DUSP16: variants seen among roughly 807,000 people sequenced by gnomAD.
DUSP16 encodes the protein dual specificity phosphatase 16, also known as dual specificity protein phosphatase 16.
Under a neutral mutation model 58.3 loss-of-function variants are expected in DUSP16, and 21 were observed. The observed-to-expected ratio is 0.36, with a 90% CI of 0.26 to 0.52. The LOEUF (loss-of-function observed/expected upper bound fraction) is 0.52. Among genes scored for constraint, DUSP16 ranks in the 20% least tolerant of loss-of-function variants. DUSP16 has a pLI of 0.94. For synonymous variants in DUSP16, 320 were observed against 323.8 expected (o/e 0.99, Z 0.12); for missense variants, 726 against 819.0 (o/e 0.89, Z 1.39).
intron 1 of DUSP16, among the ~76,000 whole-genome samples, chr12:12,553,369 A>G (rs1304543185): frequency 6.6e-6 from 1 of 152,188 alleles, no homozygotes; most frequent in African/African-American, 2.4e-5. Context: ...TTGCTTTAGG[A>G]TTTCAATAAA....
At chr12:12,510,847 C>A (rs1464511697) in intron 3 of DUSP16, among the ~76,000 whole-genome samples, 1 of 152,090 alleles carries the variant, frequency 6.6e-6, no homozygotes, top group Non-Finnish European at 1.5e-5. Flanking sequence ...GAGCCCAGGG[C>A]AGAGGACAGA....
At chr12:12,560,055 C>A (rs1410589384) in intron 1 of DUSP16, among the ~76,000 whole-genome samples, 2 of 152,138 alleles carry the variant, frequency 1.3e-5, no homozygotes, top group Non-Finnish European at 2.9e-5. Context: ...TACACACTTA[C>A]AATCACCAAA....
intron 1 of DUSP16, among the ~76,000 whole-genome samples, chr12:12,539,751 TAA>T (rs71061077): frequency 7.2e-5 from 10 of 139,486 alleles, no homozygotes; most frequent in Admixed American, 1.4e-4. Context: ...AGCAGTTATT[TAA>T]AAAAAAAAAA....
At chr12:12,536,610 T>C (rs761339765) in intron 1 of DUSP16, among the ~76,000 whole-genome samples, 10 of 151,934 alleles carry the variant, frequency 6.6e-5, no homozygotes, top group Non-Finnish European at 1.5e-4. Context: ...CCGGACATGG[T>C]GGCACATGCC....
At chr12:12,507,917 C>A (rs146552110) in intron 3 of DUSP16, among the ~76,000 whole-genome samples, 2 of 152,346 alleles carry the variant, frequency 1.3e-5, no homozygotes, top group East Asian at 1.9e-4. Flanking sequence ...CCATTAAATT[C>A]TTTTGTAGTT....
intron 3 of DUSP16, among the ~76,000 whole-genome samples, chr12:12,507,673 G>A (rs1348180468): frequency 2.0e-5 from 3 of 152,122 alleles, no homozygotes; most frequent in South Asian, 2.1e-4. Context: ...GCAATGGTGC[G>A]ATCTCCGCTC....
intron 3 of DUSP16, among the ~76,000 whole-genome samples, chr12:12,504,691 T>TAAAAA (rs57833371): frequency 8.4e-6 from 1 of 119,140 alleles, no homozygotes; most frequent in Non-Finnish European, 1.7e-5. Flanking sequence ...CAATCTCTGT[T>TAAAAA]AAAAAAAAAA....
chr12:12,547,545 A>C (rs1278187836), intron 1 of DUSP16, among the ~76,000 whole-genome samples: 1 of 137,828 alleles, frequency 7.3e-6, no homozygotes, highest in African/African-American at 3.4e-5. Context: ...AAAAAAAAAA[A>C]AAAAAAAAAA....
rs1473174214 is a variant in DUSP16, at chr12:12,522,656, C to T, written c.-365-1193G>A. On this transcript the variant is annotated intron_variant, in intron 1 of 6. Transcript: ENST00000298573. ...TCAGCTCACTGCAACCCCTGCCTCT[C>T]AGGCTCAAGTGATTCTCCTGCCTCA... is the stretch of plus-strand genomic sequence containing the variant. Among the ~76,000 whole-genome samples, 3 of 152,038 alleles carry T rather than the reference C, an allele frequency of 2.0e-5. No individual in the cohort carries two copies. The East Asian group carries it at 5.8e-4, about 29-fold the overall frequency.
intron 3 of DUSP16, among the ~76,000 whole-genome samples, chr12:12,511,149 TG>T (rs760980080): frequency 2.6e-5 from 4 of 152,202 alleles, no homozygotes; most frequent in Non-Finnish European, 4.4e-5. Flanking sequence ...AGCAATGGAT[TG>T]GAAGGTGGCA....
rs1297599295 is a variant in DUSP16, at chr12:12,474,864, G to GAA, written c.*1967_*1968dup. ...TACATAACATCAAAAACTACTGTGT[G>GAA]AAACTTGAGAATGTCTGATTAAAGA... On this transcript the variant is annotated 3_prime_UTR_variant, in exon 7 of 7. Transcript: ENST00000298573. 2 of 152,224 alleles carry GAA rather than the reference G, an allele frequency of 1.3e-5. No homozygotes were observed. The highest frequency in any genetic ancestry group is 4.8e-5 in the African/African-American group (2 of 41,444). 9.4% of individuals were successfully genotyped at this position (152,224 alleles called of 1,614,324 possible).
intron 5 of DUSP16, among the ~76,000 whole-genome samples, chr12:12,483,287 A>T (rs975291507): frequency 1.3e-5 from 2 of 152,196 alleles, no homozygotes; most frequent in African/African-American, 4.8e-5. Context: ...TTCAGATAAC[A>T]ATTTTTAAAA....
chr12:12,480,465 T>C (rs1943543616), intron 5 of DUSP16, 119 bp from the exon 6 acceptor site: 2 of 1,161,326 alleles, frequency 1.7e-6, no homozygotes, highest in East Asian at 2.5e-5. Flanking sequence ...ATCTCATCTG[T>C]GTATATCATA....
Position 12,487,171 on chromosome 12 carries a change from T to C in DUSP16, c.548A>G (p.Asn183Ser). 1 of 1,614,054 alleles carries C rather than the reference T, an allele frequency of 6.2e-7. No homozygotes were observed. Among genetic ancestry groups the C allele is most frequent in the South Asian group, 1.1e-5 (1 of 91,088 alleles). The change falls in exon 5 of 7, where the codon AAT becomes AGT. Residue 183 changes from asparagine (N) to serine (S), a missense_variant. Coordinates refer to ENST00000298573, the MANE Select transcript of DUSP16 (RefSeq NM_030640.3). ...DVLNKELMQQ[N>S]GIGYVLNASN... ...GGCATTTAACACATAACCAATCCCA[T>C]TCTGCTGCATCAGCTCCTATGGAGA... is the stretch of plus-strand genomic sequence containing the variant.
intron 4 of DUSP16, among the ~76,000 whole-genome samples, chr12:12,499,940 C>T (rs980369055): frequency 2.6e-5 from 4 of 152,060 alleles, no homozygotes; most frequent in Admixed American, 6.6e-5. Context: ...CAGTAGGGCC[C>T]GTGTCTTTTT....
chr12:12,477,815 G>A lies in DUSP16; in HGVS notation c.1016C>T (p.Pro339Leu). 1.2e-6 allele frequency: 2 copies of A among 1,614,052 alleles called. No homozygotes were observed. Among genetic ancestry groups the A allele is most frequent in the Non-Finnish European group, 1.7e-6 (2 of 1,180,018 alleles). The change falls in exon 7 of 7, where the codon CCA becomes CTA. Residue 339 changes from proline (P) to leucine (L), a missense_variant. Physicochemically the swap from Pro to Leu is moderately conservative, Grantham distance 98 (BLOSUM62 -3). Transcript: ENST00000298573. This position sits in a 1 kb window ranked among gnomAD's most constrained non-coding sequence, Gnocchi z 4.1. The part of the protein sequence containing the change: ...GGQKSETPLS[P>L]PCADSATSEA... The stretch of plus-strand genomic sequence containing the variant: ...TGAGGTAGCAGAGTCGGCACAGGGT[G>A]GACTGAGGGGCGTCTCGCTTTTCTG...
chr12:12,519,421 T>C (rs1944198138), intron 3 of DUSP16, among the ~76,000 whole-genome samples: 1 of 152,250 alleles, frequency 6.6e-6, no homozygotes, highest in Admixed American at 6.5e-5. Flanking sequence ...CCATAAGGCT[T>C]ATCTCTGGAG....
chr12:12,562,034 G>T (rs1944911822), intron 1 of DUSP16, 83 bp downstream of exon 1: 1 of 149,882 alleles, frequency 6.7e-6, no homozygotes, highest in Admixed American at 6.6e-5. Context: ...GCTGCGGAGC[G>T]TCCATGCGGC....
At chr12:12,535,053 T>A (rs1230981531) in intron 1 of DUSP16, among the ~76,000 whole-genome samples, 1 of 152,222 alleles carries the variant, frequency 6.6e-6, no homozygotes, top group East Asian at 1.9e-4. Context: ...TATTTTATAA[T>A]CTAGTGCTCA....
Sources: allele counts gnomAD v4.1 joint callset (sites outside exome capture counted in the v4.1 genomes callset), GRCh38; gene constraint gnomAD v4.1.1; non-coding constraint Gnocchi (gnomAD v3.1); transcripts MANE v1.5; gene names NCBI Gene and HGNC (gene_info 2026-07-23, HGNC 2026-07-21).